The following MXI1 variants were observed in gnomAD, a reference collection of about 807,000 sequenced individuals.
MXI1 encodes the protein max-interacting protein 1.
A neutral mutation model predicts 36.9 loss-of-function variants in MXI1; 18 were observed. The observed-to-expected ratio is 0.49, with a 90% CI of 0.34 to 0.72. The LOEUF (loss-of-function observed/expected upper bound fraction) is 0.72. Among genes scored for constraint, MXI1 ranks in the 30% least tolerant of loss-of-function variants. MXI1 has a pLI of 0.01. For synonymous variants in MXI1, 160 were observed against 146.7 expected, an observed-to-expected ratio of 1.09 and a Z score of -0.65; for missense variants, 304 against 379.1, an observed-to-expected ratio of 0.80 and a Z score of 1.64.
chr10:110,254,146 T>C (rs1457097886), intron 3 of MXI1, among the ~76,000 whole-genome samples: 1 of 152,186 alleles, frequency 6.6e-6, no homozygotes, highest in Non-Finnish European at 1.5e-5. Context: ...TGAAGGTTTG[T>C]GTCAAGCAGG....
chr10:110,232,274 A>G (rs761112668), intron 2 of MXI1, among the ~76,000 whole-genome samples: 2 of 152,142 alleles, frequency 1.3e-5, no homozygotes, highest in Non-Finnish European at 2.9e-5. Flanking sequence ...CTTATGAATT[A>G]CATTGGCCAG....
intron 2 of MXI1, among the ~76,000 whole-genome samples, chr10:110,242,834 G>C (rs1383560196): frequency 6.6e-6 from 1 of 151,646 alleles, no homozygotes. Flanking sequence ...ATAAGTTTAT[G>C]GCTGTTTAGA....
chr10:110,228,909 A>C (rs1348130909), intron 2 of MXI1, among the ~76,000 whole-genome samples: 1 of 152,222 alleles, frequency 6.6e-6, no homozygotes, highest in African/African-American at 2.4e-5. Flanking sequence ...AGATCTTTAA[A>C]AATATACTTG....
chr10:110,233,635 T>A (rs1331362743), intron 2 of MXI1, among the ~76,000 whole-genome samples: 2 of 152,178 alleles, frequency 1.3e-5, no homozygotes, highest in Admixed American at 6.5e-5. Flanking sequence ...CTTAATGATG[T>A]TGTTATTATT....
intron 1 of MXI1, chr10:110,226,147 GC>G: frequency 7.4e-7 from 1 of 1,355,472 alleles, no homozygotes; most frequent in Non-Finnish European, 9.5e-7. Flanking sequence ...GTAGCCGCCT[GC>G]GGCGCCTCCT....
At chr10:110,216,193 C>A (rs186059621) in intron 1 of MXI1, among the ~76,000 whole-genome samples, 1 of 152,168 alleles carries the variant, frequency 6.6e-6, no homozygotes, top group Non-Finnish European at 1.5e-5. Context: ...TTGAGCAGTA[C>A]GCTCCAGGGA....
intron 3 of MXI1, among the ~76,000 whole-genome samples, chr10:110,254,454 A>G (rs912922133): frequency 1.1e-4 from 16 of 152,134 alleles, no homozygotes; most frequent in East Asian, 3.8e-4. Flanking sequence ...TAACCCTACA[A>G]TGGCCACTAA....
At chr10:110,255,480 A>G (rs1420366591) in intron 3 of MXI1, among the ~76,000 whole-genome samples, 1 of 152,206 alleles carries the variant, frequency 6.6e-6, no homozygotes, top group Non-Finnish European at 1.5e-5. Flanking sequence ...TTTCAGAAAT[A>G]CATTTCATAA....
intron 3 of MXI1, among the ~76,000 whole-genome samples, chr10:110,260,660 G>A (rs1232229488): frequency 6.6e-6 from 1 of 151,948 alleles, no homozygotes; most frequent in Non-Finnish European, 1.5e-5. Flanking sequence ...TTGATAAGTA[G>A]TAAATATTTA....
intron 3 of MXI1, among the ~76,000 whole-genome samples, chr10:110,273,196 T>C (rs189521506): frequency 2.3e-4 from 35 of 151,900 alleles, no homozygotes; most frequent in African/African-American, 3.9e-4. Context: ...TACAGGCATG[T>C]GCCACCACGC....
chr10:110,238,878 ATAT>A (rs1203240708), intron 2 of MXI1, among the ~76,000 whole-genome samples: 1 of 152,204 alleles, frequency 6.6e-6, no homozygotes, highest in East Asian at 1.9e-4. Flanking sequence ...GTTGTTAATA[ATAT>A]TCTCTTATCC....
At chr10:110,282,351 GTTC>G (rs1430131533) in intron 5 of MXI1, among the ~76,000 whole-genome samples, 2 of 152,068 alleles carry the variant, frequency 1.3e-5, no homozygotes, top group Non-Finnish European at 2.9e-5. Context: ...AACCCTAGGA[GTTC>G]TTGTTTTTCT....
At chr10:110,208,215 G>C in intron 1 of MXI1, 133 bp downstream of exon 1, 2 of 905,048 alleles carry the variant, frequency 2.2e-6, no homozygotes, top group Non-Finnish European at 3.1e-6. Context: ...CAGTAAAGCC[G>C]ATGACACCGG....
intron 3 of MXI1, among the ~76,000 whole-genome samples, chr10:110,277,953 T>G (rs1857096736): frequency 6.6e-6 from 1 of 152,252 alleles, no homozygotes; most frequent in African/African-American, 2.4e-5. Context: ...GCGCATAGTT[T>G]GGTGTGTGAA....
intron 1 of MXI1, among the ~76,000 whole-genome samples, chr10:110,219,901 C>A (rs1412547383): frequency 2.0e-5 from 3 of 152,204 alleles, no homozygotes; most frequent in African/African-American, 7.2e-5. Flanking sequence ...GTTGGTGTGA[C>A]AGTTCTTGTA....
chr10:110,220,863 T>A (rs1456962512), intron 1 of MXI1, among the ~76,000 whole-genome samples: 1 of 152,250 alleles, frequency 6.6e-6, no homozygotes, highest in Non-Finnish European at 1.5e-5. Flanking sequence ...CTGACCAGGT[T>A]ATTTGCCAGA....
At chr10:110,223,141 G>C (rs1854859955) in intron 1 of MXI1, among the ~76,000 whole-genome samples, 1 of 152,200 alleles carries the variant, frequency 6.6e-6, no homozygotes, top group African/African-American at 2.4e-5. Context: ...GGTCAACTGT[G>C]AAAGGCCATG....
chr10:110,225,965 C>T, intron 1 of MXI1: 1 of 963,742 alleles, frequency 1.0e-6, no homozygotes, highest in Non-Finnish European at 1.2e-6. Flanking sequence ...GGCGCTGCTC[C>T]CGCCCCTCCC....
At chr10:110,276,640 CAAGT>C (rs1328745651) in intron 3 of MXI1, among the ~76,000 whole-genome samples, 1 of 151,804 alleles carries the variant, frequency 6.6e-6, no homozygotes, top group African/African-American at 2.4e-5. Context: ...CCTTCTCAAG[CAAGT>C]GTCTGGAACA....
Sources: allele counts gnomAD v4.1 joint callset (sites outside exome capture counted in the v4.1 genomes callset), GRCh38; gene constraint gnomAD v4.1.1; transcripts MANE v1.5; gene names NCBI Gene and HGNC (gene_info 2026-07-23, HGNC 2026-07-21).